Variants in SLC24A3 observed in about 807,000 individuals in gnomAD.
The protein encoded by SLC24A3 is solute carrier family 24 member 3.
In SLC24A3, 28 loss-of-function variants were observed where a neutral mutation model predicts 75.8. The observed-to-expected ratio is 0.37, with a 90% CI of 0.27 to 0.51. The LOEUF is 0.51. Among genes scored for constraint, SLC24A3 ranks in the 20% least tolerant of loss-of-function variants. The probability of loss-of-function intolerance (pLI) is 0.94; values close to 1 mark genes in which losing one functional copy is unlikely to be tolerated. For synonymous variants in SLC24A3, 372 were observed against 334.1 expected (o/e 1.11, Z -1.24); for missense variants, 663 against 847.8 (o/e 0.78, Z 2.71).
intron 15 of SLC24A3, 98 bp downstream of exon 15, chr20:19,698,778 G>T (rs751674985): frequency 1.8e-5 from 16 of 911,376 alleles, no homozygotes; most frequent in Non-Finnish European, 2.4e-5. Context: ...GGAAAAAGGG[G>T]TGTAGAAATC....
intron 8 of SLC24A3, among the ~76,000 whole-genome samples, chr20:19,667,375 G>A (rs1363214403): frequency 1.3e-5 from 2 of 152,172 alleles, no homozygotes; most frequent in African/African-American, 2.4e-5. Flanking sequence ...TCCTGGAGGT[G>A]GCTGCCAAAT....
At chr20:19,240,908 C>A (rs576791777) in intron 1 of SLC24A3, among the ~76,000 whole-genome samples, 1 of 152,242 alleles carries the variant, frequency 6.6e-6, no homozygotes, top group Admixed American at 6.5e-5. Context: ...AAGCTGAGAG[C>A]CAGGAGCAGC....
At chr20:19,650,829 T>C (rs773626600) in intron 6 of SLC24A3, among the ~76,000 whole-genome samples, 8 of 152,220 alleles carry the variant, frequency 5.3e-5, no homozygotes, top group Non-Finnish European at 1.0e-4. Flanking sequence ...TTTTATTGTT[T>C]GCTTGCTTAG....
chr20:19,275,652 GGGGAGGAGGA>G (rs1435186804), intron 1 of SLC24A3, among the ~76,000 whole-genome samples: 1 of 152,172 alleles, frequency 6.6e-6, no homozygotes, highest in Non-Finnish European at 1.5e-5. Flanking sequence ...GAGGGCGGTA[GGGGAGGAGGA>G]GGGAGGAGAG....
intron 7 of SLC24A3, among the ~76,000 whole-genome samples, chr20:19,655,485 T>G (rs1453469628): frequency 6.6e-6 from 1 of 152,002 alleles, no homozygotes; most frequent in Non-Finnish European, 1.5e-5. Context: ...ACCATCATGG[T>G]TAATTTTATG....
At chr20:19,343,661 A>T (rs1251622233) in intron 2 of SLC24A3, among the ~76,000 whole-genome samples, 1 of 152,162 alleles carries the variant, frequency 6.6e-6, no homozygotes, top group Non-Finnish European at 1.5e-5. Flanking sequence ...ACAGGAGGGC[A>T]TTGCCATGAG....
chr20:19,706,460 C>T (rs561673738), intron 15 of SLC24A3, among the ~76,000 whole-genome samples: 1 of 152,094 alleles, frequency 6.6e-6, no homozygotes, highest in South Asian at 2.1e-4. Flanking sequence ...TTCTGAGAAT[C>T]CAAGATTATC....
chr20:19,229,583 A>C (rs1413157699), intron 1 of SLC24A3, among the ~76,000 whole-genome samples: 11 of 150,460 alleles, frequency 7.3e-5, no homozygotes, highest in Admixed American at 6.0e-4. Context: ...TGAGAGACTG[A>C]ATTTTAACTT....
At chr20:19,677,686 C>CTTTTTTTTTTTTTTTTTTTTTTTTTTT (rs796484728) in intron 9 of SLC24A3, among the ~76,000 whole-genome samples, 7 of 113,954 alleles carry the variant, frequency 6.1e-5, no homozygotes, top group Admixed American at 9.2e-5. Context: ...TTTTTTTTTT[C>CTTTTTTTTTTTTTTTTTTTTTTTTTTT]TTTTTTTTTT....
intron 1 of SLC24A3, among the ~76,000 whole-genome samples, chr20:19,221,620 G>A (rs1366825094): frequency 6.6e-6 from 1 of 152,156 alleles, no homozygotes; most frequent in Non-Finnish European, 1.5e-5. Context: ...AATTTAGGTT[G>A]AAACTCATTT....
At chr20:19,403,006 TA>T (rs1384412587) in intron 2 of SLC24A3, among the ~76,000 whole-genome samples, 6 of 152,224 alleles carry the variant, frequency 3.9e-5, no homozygotes, top group African/African-American at 1.4e-4. Context: ...TAATTATAAT[TA>T]ACCATGTGTA....
At chr20:19,263,620 A>G (rs534949946) in intron 1 of SLC24A3, among the ~76,000 whole-genome samples, 1 of 152,302 alleles carries the variant, frequency 6.6e-6, no homozygotes, top group South Asian at 2.1e-4. Context: ...TGACTGAGCC[A>G]CATCCTCTCT....
intron 1 of SLC24A3, chr20:19,242,476 C>T (rs926743246): frequency 9.8e-5 from 15 of 152,296 alleles, no homozygotes; most frequent in African/African-American, 3.6e-4. Context: ...GTACTGAAAG[C>T]AGCTGGGATT....
In SLC24A3 at chr20:19,671,636, GTT is replaced by G. The variant is rs113299391; in HGVS notation, c.714-1956_714-1955del. On this transcript the variant is annotated intron_variant, in intron 8 of 16. Transcript: ENST00000328041. ...ACTGAAAGGACAAAGCCCAGGGTTGGTTTTTTTTTTGTTTTTTTGTTTTTTTG... is the reference window on the plus strand; with the variant it reads ...ACTGAAAGGACAAAGCCCAGGGTTGGTTTTTTTTGTTTTTTTGTTTTTTTG... Among the ~76,000 whole-genome samples the G allele has an allele frequency of 3.7e-3, 541 of 145,486 alleles. 2 individuals are homozygous for G. Among genetic ancestry groups the G allele is most frequent in the African/African-American group, 0.012 (484 of 39,216 alleles).
chr20:19,679,207 G>T (rs960651553), intron 9 of SLC24A3, among the ~76,000 whole-genome samples: 1 of 152,048 alleles, frequency 6.6e-6, no homozygotes, highest in East Asian at 1.9e-4. Context: ...CTCCAGCCTG[G>T]GCACCATTGA....
At chr20:19,668,079 T>A (rs2032421038) in intron 8 of SLC24A3, among the ~76,000 whole-genome samples, 1 of 143,118 alleles carries the variant, frequency 7.0e-6, no homozygotes, top group South Asian at 2.1e-4. Flanking sequence ...CAGGGAAGAA[T>A]TGGCCTGGGG....
At chr20:19,510,454 T>C (rs963802425) in intron 2 of SLC24A3, among the ~76,000 whole-genome samples, 12 of 152,210 alleles carry the variant, frequency 7.9e-5, no homozygotes, top group African/African-American at 2.7e-4. Context: ...ATAAGATACC[T>C]TGCGTCTCCT....
chr20:19,564,061 T>C (rs2030918554), intron 3 of SLC24A3, among the ~76,000 whole-genome samples: 1 of 152,212 alleles, frequency 6.6e-6, no homozygotes, highest in Non-Finnish European at 1.5e-5. Flanking sequence ...GTCATTGTCC[T>C]CACTTCTCAA....
chr20:19,346,244 GTGTA>G (rs1361597534), intron 2 of SLC24A3, among the ~76,000 whole-genome samples: 1,850 of 48,768 alleles, frequency 0.038, 409 homozygotes, highest in African/African-American at 0.16. Context: ...TATATATATG[GTGTA>G]TATATATATG....
Sources: gnomAD v4.1 joint callset for allele counts (sites outside exome capture counted in the v4.1 genomes callset) on GRCh38, gnomAD v4.1.1 for gene constraint, MANE v1.5 for transcripts, NCBI Gene and HGNC (gene_info 2026-07-23, HGNC 2026-07-21) for gene names.